Variants in PDE10A observed in about 807,000 individuals in gnomAD.
PDE10A encodes cAMP and cAMP-inhibited cGMP 3',5'-cyclic phosphodiesterase 10A.
In PDE10A, 39 loss-of-function variants were observed where a neutral mutation model predicts 97.7. That is an observed-to-expected ratio of 0.40 (90% CI 0.31 to 0.52). The LOEUF is 0.52. Ranked by LOEUF, PDE10A falls within the 20% of genes least tolerant of loss-of-function variation. The pLI, the probability that PDE10A is intolerant of heterozygous loss-of-function variation, is 0.56. For missense variants in PDE10A, 731 were observed against 1,047.8 expected, an observed-to-expected ratio of 0.70 and a Z score of 4.17; for synonymous variants, 371 against 376.8, an observed-to-expected ratio of 0.98 and a Z score of 0.18.
intron 3 of PDE10A, among the ~76,000 whole-genome samples, chr6:165,457,474 G>A (rs1032257999): frequency 1.3e-5 from 2 of 152,070 alleles, no homozygotes; most frequent in African/African-American, 4.8e-5. Context: ...GCTTCACAAA[G>A]ATAAGACCTG....
At position 165,661,643 on chromosome 6, in the gene PDE10A, G is replaced by A. The variant is rs1379569286; in HGVS notation, c.865+304C>T. The stretch of plus-strand genomic sequence containing the variant: ...AAGTGTGGCCAGAAACGGCACGAGG[G>A]GCGGAGAAGGAGGCGGCAGGTCCCG... On this transcript the variant is annotated intron_variant, in intron 1 of 21. Transcript: ENST00000539869. This position sits in a 1 kb window ranked among gnomAD's most constrained non-coding sequence, Gnocchi z 4.8. The A allele has an allele frequency of 5.3e-6, 2 of 376,624 alleles. No individual in the cohort carries two copies. The highest frequency in any genetic ancestry group is 5.4e-5 in the South Asian group (1 of 18,590). The allele number at this position is 376,624 out of a possible 1,614,324, so 23.3% of individuals were successfully genotyped here. A position where few individuals can be genotyped will look rare whatever the true frequency, so the allele number is the denominator to read the frequency against.
chr6:165,570,562 C>T (rs974919856), intron 1 of PDE10A, among the ~76,000 whole-genome samples: 1 of 152,104 alleles, frequency 6.6e-6, no homozygotes, highest in African/African-American at 2.4e-5. Flanking sequence ...AAATCAAAAC[C>T]AATCTTCTCA....
chr6:165,783,130 A>G (rs1562734624), intron 1 of PDE10A, among the ~76,000 whole-genome samples: 1 of 152,162 alleles, frequency 6.6e-6, no homozygotes, highest in African/African-American at 2.4e-5. Flanking sequence ...AGTGTTGAAA[A>G]TATTTTACTC....
chr6:165,927,273 T>A (rs866956780), intron 1 of PDE10A, among the ~76,000 whole-genome samples: 3 of 152,120 alleles, frequency 2.0e-5, no homozygotes, highest in Non-Finnish European at 4.4e-5. Flanking sequence ...AAGAAAATAG[T>A]GAAGTATGGC....
At chr6:165,552,032 C>T (rs9348011) in intron 1 of PDE10A, among the ~76,000 whole-genome samples, 2,792 of 152,174 alleles carry the variant, frequency 0.018, 57 homozygotes, top group South Asian at 0.086. Context: ...TCCTCTCTTA[C>T]GGCTCAGTGA....
chr6:165,549,984 G>T (rs1336600687), intron 1 of PDE10A, among the ~76,000 whole-genome samples: 1 of 152,072 alleles, frequency 6.6e-6, no homozygotes, highest in Non-Finnish European at 1.5e-5. Flanking sequence ...CCAATTTTGT[G>T]TCTGTATTAA....
chr6:165,676,007 T>C (rs1450182863), intron 1 of PDE10A, among the ~76,000 whole-genome samples: 1 of 152,222 alleles, frequency 6.6e-6, no homozygotes, highest in Non-Finnish European at 1.5e-5. Flanking sequence ...AGCTAATGAT[T>C]GGATAAGGAA....
At chr6:165,557,139 GA>G (rs958162567) in intron 1 of PDE10A, among the ~76,000 whole-genome samples, 27 of 146,538 alleles carry the variant, frequency 1.8e-4, no homozygotes, top group African/African-American at 3.2e-4. Flanking sequence ...ACTCCATGTC[GA>G]AAAAAAAAAA....
chr6:165,334,339 C>T (rs1168626945), intron 21 of PDE10A, among the ~76,000 whole-genome samples: 7 of 150,062 alleles, frequency 4.7e-5, no homozygotes, highest in South Asian at 2.1e-4. Flanking sequence ...GCCTCCATAG[C>T]GCCCTACAGC....
At chr6:165,764,378 C>CA (rs1356483975) in intron 1 of PDE10A, among the ~76,000 whole-genome samples, 8 of 152,078 alleles carry the variant, frequency 5.3e-5, no homozygotes, top group Non-Finnish European at 8.8e-5. Context: ...AATCTGTTTG[C>CA]AAAAAATCAA....
At chr6:165,760,314 G>T (rs767896362) in intron 1 of PDE10A, among the ~76,000 whole-genome samples, 4 of 152,058 alleles carry the variant, frequency 2.6e-5, no homozygotes, top group African/African-American at 4.8e-5. Context: ...AACCTCTCCC[G>T]CCGGCTCCTG....
chr6:165,363,145 C>T (rs753113653), intron 18 of PDE10A, among the ~76,000 whole-genome samples: 2 of 152,116 alleles, frequency 1.3e-5, no homozygotes, highest in Non-Finnish European at 2.9e-5. Flanking sequence ...ATGCTTTCCC[C>T]CTGAAATCAG....
chr6:165,619,810 C>A (rs1276916404), intron 1 of PDE10A, among the ~76,000 whole-genome samples: 1 of 151,790 alleles, frequency 6.6e-6, no homozygotes, highest in African/African-American at 2.4e-5. Flanking sequence ...TGTGTCATCT[C>A]AGGAATCAGA....
At chr6:165,799,926 G>T (rs1403911813) in intron 1 of PDE10A, among the ~76,000 whole-genome samples, 2 of 152,214 alleles carry the variant, frequency 1.3e-5, no homozygotes, top group African/African-American at 4.8e-5. Flanking sequence ...CATCTGGATA[G>T]TGTGGGCCTG....
chr6:165,706,142 T>C (rs139117610), intron 1 of PDE10A, among the ~76,000 whole-genome samples: 2 of 152,346 alleles, frequency 1.3e-5, no homozygotes, highest in African/African-American at 2.4e-5. Context: ...CCAGGAGTGC[T>C]TGGCTTTGCA....
intron 1 of PDE10A, among the ~76,000 whole-genome samples, chr6:165,782,724 AC>A (rs1391829744): frequency 6.6e-6 from 1 of 152,202 alleles, no homozygotes; most frequent in Admixed American, 6.5e-5. Flanking sequence ...AACATCAAGA[AC>A]TACGTCTTAT....
At chr6:165,424,101 C>A (rs1294764987) in intron 10 of PDE10A, among the ~76,000 whole-genome samples, 1 of 152,106 alleles carries the variant, frequency 6.6e-6, no homozygotes, top group Admixed American at 6.5e-5. Flanking sequence ...CCCCCATCCC[C>A]CAAAGTAGAA....
In PDE10A at chr6:165,430,363, A is replaced by T; in HGVS notation, c.1543-18T>A. ...CTGCATACCTACCATATAAAATAAT[A>T]GGTACAATTACAAGAGATTTCTGCT... On this transcript the variant is annotated intron_variant, in intron 8 of 21. Transcript: ENST00000539869. The T allele has an allele frequency of 6.7e-7, 1 of 1,491,224 alleles. No individual in the cohort carries two copies. Among genetic ancestry groups the T allele is most frequent in the East Asian group, 2.3e-5 (1 of 44,162 alleles). 92.4% of individuals were successfully genotyped at this position (1,491,224 alleles called of 1,614,324 possible). A position where few individuals can be genotyped will look rare whatever the true frequency, so the allele number is the denominator to read the frequency against.
At chr6:165,805,176 C>T (rs1779100226) in intron 1 of PDE10A, among the ~76,000 whole-genome samples, 1 of 151,988 alleles carries the variant, frequency 6.6e-6, no homozygotes, top group Non-Finnish European at 1.5e-5. Context: ...GTGGGACGCG[C>T]GGTTCTTCCT....
Sources: allele counts gnomAD v4.1 joint callset (sites outside exome capture counted in the v4.1 genomes callset), GRCh38; gene constraint gnomAD v4.1.1; non-coding constraint Gnocchi (gnomAD v3.1); transcripts MANE v1.5; gene names NCBI Gene and HGNC (gene_info 2026-07-23, HGNC 2026-07-21).